Variants in GOSR2 observed in about 807,000 individuals in gnomAD.
The protein encoded by GOSR2 is 27 kDa Golgi SNARE protein.
In GOSR2, 20 loss-of-function variants were observed where a neutral mutation model predicts 27.9. That is an observed-to-expected ratio of 0.72 (90% CI 0.50 to 1.04). The LOEUF is 1.04. Among genes scored for constraint, GOSR2 ranks in the 50% least tolerant of loss-of-function variants. The probability of loss-of-function intolerance (pLI) is 0.00; values close to 1 mark genes in which losing one functional copy is unlikely to be tolerated. For synonymous variants in GOSR2, 91 were observed against 98.8 expected, an observed-to-expected ratio of 0.92 and a Z score of 0.47; for missense variants, 261 against 270.5, an observed-to-expected ratio of 0.97 and a Z score of 0.25.
Position 46,940,816 on chromosome 17 carries a change from G to A in GOSR2, c.*2056G>A. 6.8e-7 allele frequency: 1 copy of A among 1,471,044 alleles called. No homozygotes were observed. The highest frequency in any genetic ancestry group is 9.0e-7 in the Non-Finnish European group (1 of 1,112,878). 91.1% of individuals were successfully genotyped at this position (1,471,044 alleles called of 1,614,324 possible). The stretch of plus-strand genomic sequence containing the variant: ...GGTGGTTTTTGGGTCTTTACCACCT[G>A]CGGCTGGTGGACAGCAGCCAGTGTG... On this transcript the variant is annotated 3_prime_UTR_variant, in exon 6 of 6. Coordinates refer to ENST00000640051, the MANE Select transcript of GOSR2 (RefSeq NM_004287.5).
intron 6 of GOSR2, among the ~76,000 whole-genome samples, chr17:46,962,904 C>T (rs918346498): frequency 6.6e-6 from 1 of 152,228 alleles, no homozygotes; most frequent in Admixed American, 6.5e-5. Context: ...CCTCTGCTAA[C>T]TCATCATTTT....
Position 46,941,864 on chromosome 17 carries a change from G to A in GOSR2, c.*3104G>A. On this transcript the variant is annotated 3_prime_UTR_variant, in exon 6 of 6. Coordinates refer to ENST00000640051, the MANE Select transcript of GOSR2 (RefSeq NM_004287.5). The stretch of plus-strand genomic sequence containing the variant: ...GCCTCCCAAAGTTCTAGGGTTACAG[G>A]TGTTAGCCACTGTACCTGGCCTCTA... The A allele has an allele frequency of 8.7e-6, 8 of 915,542 alleles. No individual in the cohort carries two copies. The highest frequency in any genetic ancestry group is 1.0e-5 in the Non-Finnish European group (8 of 766,148). 56.7% of individuals were successfully genotyped at this position (915,542 alleles called of 1,614,324 possible).
At chr17:46,935,812 C>T in intron 5 of GOSR2, 1 of 986,032 alleles carries the variant, frequency 1.0e-6, no homozygotes, top group Non-Finnish European at 1.2e-6. Flanking sequence ...ATTACACAGA[C>T]TCTGATGTCA....
At chr17:46,928,703 A>G (rs987688309) in intron 1 of GOSR2, among the ~76,000 whole-genome samples, 5 of 152,114 alleles carry the variant, frequency 3.3e-5, no homozygotes, top group African/African-American at 1.2e-4. Flanking sequence ...CTTCCTCTGA[A>G]TGGTTTCCTC....
chr17:46,936,749 CA>C (rs1404227185), intron 5 of GOSR2: 3 of 982,676 alleles, frequency 3.1e-6, no homozygotes, highest in Non-Finnish European at 3.6e-6. Context: ...AGGACTTTAG[CA>C]AGAGTCTGAT....
In GOSR2 at chr17:46,924,011, A is replaced by T. The variant is rs1236515510; in HGVS notation, c.29+790A>T. On this transcript the variant is annotated intron_variant, in intron 1 of 5. Transcript: ENST00000640051. ...ACAACATAAGATTTACTGTTTTAAC[A>T]ATTTTTAAGTGTACAATTCAGTGAC... The T allele has an allele frequency of 1.5e-5, 6 of 396,484 alleles. No individual in the cohort carries two copies. The Admixed American group carries it at 2.6e-4, about 17-fold the overall frequency. The allele number at this position is 396,484 out of a possible 1,614,324, so 24.6% of individuals were successfully genotyped here. A position where few individuals can be genotyped will look rare whatever the true frequency, so the allele number is the denominator to read the frequency against.
chr17:46,972,806 T>C (rs1034491714), intron 6 of GOSR2, among the ~76,000 whole-genome samples: 1 of 152,034 alleles, frequency 6.6e-6, no homozygotes, highest in Non-Finnish European at 1.5e-5. Context: ...GTCTCTGCAG[T>C]CATATTATTA....
At position 46,940,648 on chromosome 17, in the gene GOSR2, C is replaced by T; in HGVS notation, c.*1888C>T. 6.2e-7 allele frequency: 1 copy of T among 1,613,840 alleles called. No individual in the cohort carries two copies. The highest frequency in any genetic ancestry group is 8.5e-7 in the Non-Finnish European group (1 of 1,179,952). Reference sequence around the variant, plus strand: ...TCTTGAACTCTGGGAGGCAGAAGTCCCCGCACCCATCATGCGTGGACTGAT... The same window carrying T: ...TCTTGAACTCTGGGAGGCAGAAGTCTCCGCACCCATCATGCGTGGACTGAT... On this transcript the variant is annotated 3_prime_UTR_variant, in exon 6 of 6. Coordinates refer to ENST00000640051, the MANE Select transcript of GOSR2 (RefSeq NM_004287.5).
downstream of GOSR2, among the ~76,000 whole-genome samples, chr17:46,946,457 G>C (rs1270041224): frequency 3.3e-5 from 3 of 89,868 alleles, no homozygotes; most frequent in South Asian, 8.5e-4. Flanking sequence ...GCAAAACTCC[G>C]TCTCAAAAAA....
At chr17:46,954,406 G>A (rs2090572576) in intron 6 of GOSR2, among the ~76,000 whole-genome samples, 1 of 152,116 alleles carries the variant, frequency 6.6e-6, no homozygotes, top group Non-Finnish European at 1.5e-5. Flanking sequence ...TCTCTGTGTT[G>A]GTACCAGTAC....
chr17:46,939,157 C>T lies in GOSR2; in HGVS notation c.*397C>T, dbSNP rs2088902140. 1 of 1,110,030 alleles carries T rather than the reference C, an allele frequency of 9.0e-7. No individual in the cohort carries two copies. Among genetic ancestry groups the T allele is most frequent in the South Asian group, 2.4e-5 (1 of 41,390 alleles). 68.8% of individuals were successfully genotyped at this position (1,110,030 alleles called of 1,614,324 possible). On this transcript the variant is annotated 3_prime_UTR_variant, in exon 6 of 6. Coordinates refer to ENST00000640051, the MANE Select transcript of GOSR2 (RefSeq NM_004287.5). The stretch of plus-strand genomic sequence containing the variant: ...TTGTCACCATCAGGCCTTTCTGGCT[C>T]CTGATAGGGTGGAGCAAAAGTGGAA...
intron 6 of GOSR2, among the ~76,000 whole-genome samples, chr17:46,965,633 T>TTGTTCTC: frequency 6.6e-6 from 1 of 152,152 alleles, no homozygotes; most frequent in Non-Finnish European, 1.5e-5. Flanking sequence ...TTCTCTTTCT[T>TTGTTCTC]TTTTTTCTGA....
rs968660556 is a variant in GOSR2 at position 46,959,106 on chromosome 17, G to A, written c.584-7428G>A. On this transcript the variant is annotated intron_variant, in intron 6 of 6. Coordinates refer to the GOSR2 transcript ENST00000573224. ...GGTGAGAGTCAGTACAAAGACTGTGGTGGGAATCTAGAATGTGGCTAGGCA... is the reference window on the plus strand; with the variant it reads ...GGTGAGAGTCAGTACAAAGACTGTGATGGGAATCTAGAATGTGGCTAGGCA... Among the ~76,000 whole-genome samples the A allele has an allele frequency of 4.6e-5, 7 of 152,330 alleles. No homozygotes were observed. In the East Asian group the frequency reaches 1.3e-3, roughly 29 times the overall value.
intron 1 of GOSR2, among the ~76,000 whole-genome samples, chr17:46,926,853 A>C (rs1012087019): frequency 1.3e-5 from 2 of 152,212 alleles, no homozygotes; most frequent in Non-Finnish European, 2.9e-5. Context: ...GCCTGTACAA[A>C]AGTGCTTTGA....
chr17:46,974,100 T>C (rs2091421523), intron 6 of GOSR2, among the ~76,000 whole-genome samples: 1 of 152,202 alleles, frequency 6.6e-6, no homozygotes, highest in Non-Finnish European at 1.5e-5. Context: ...GGGGACATCT[T>C]GCTGGTGAAG....
chr17:46,940,068 C>T lies in GOSR2; in HGVS notation c.*1308C>T. 1 of 1,088,540 alleles carries T rather than the reference C, an allele frequency of 9.2e-7. No individual in the cohort carries two copies. The highest frequency in any genetic ancestry group is 1.1e-6 in the Non-Finnish European group (1 of 893,852). 67.4% of individuals were successfully genotyped at this position (1,088,540 alleles called of 1,614,324 possible). Reference sequence around the variant, plus strand: ...TACCTGCTCTGTTAGTTTCTTGTTGCTTGAACTGTCTTCTGTCTTATTTCC... The same window carrying T: ...TACCTGCTCTGTTAGTTTCTTGTTGTTTGAACTGTCTTCTGTCTTATTTCC... On this transcript the variant is annotated 3_prime_UTR_variant, in exon 6 of 6. Transcript: ENST00000640051.
chr17:46,963,886 A>G (rs1207796088), intron 6 of GOSR2: 1 of 152,230 alleles, frequency 6.6e-6, no homozygotes, highest in Non-Finnish European at 1.5e-5. Flanking sequence ...GCACAATAAG[A>G]GCTCACTGCA....
downstream of GOSR2, among the ~76,000 whole-genome samples, chr17:46,971,125 G>T (rs1198044992): frequency 6.6e-6 from 1 of 152,108 alleles, no homozygotes. Flanking sequence ...ATCATTTGAG[G>T]TCAGGAGTTT....
At chr17:46,927,393 T>A (rs1188182802) in intron 1 of GOSR2, among the ~76,000 whole-genome samples, 2 of 152,222 alleles carry the variant, frequency 1.3e-5, no homozygotes, top group African/African-American at 4.8e-5. Context: ...GTATCCATCT[T>A]TTTCTTTGTG....
Sources: allele counts gnomAD v4.1 joint callset (sites outside exome capture counted in the v4.1 genomes callset), GRCh38; gene constraint gnomAD v4.1.1; transcripts MANE v1.5; gene names NCBI Gene and HGNC (gene_info 2026-07-23, HGNC 2026-07-21).